The following LRP1B variants were observed in gnomAD, a reference collection of about 807,000 sequenced individuals.
The protein encoded by LRP1B is LDL receptor related protein 1B.
In LRP1B, 217 loss-of-function variants were observed where a neutral mutation model predicts 556.6. The observed-to-expected ratio is 0.39, with a 90% CI of 0.35 to 0.44. The LOEUF (loss-of-function observed/expected upper bound fraction) is 0.44, where lower values mean the gene tolerates loss of function less well. Ranked by LOEUF, LRP1B falls within the 20% of genes least tolerant of loss-of-function variation. The pLI is 1.00. For synonymous variants in LRP1B, 2,047 were observed against 1,865.8 expected (o/e 1.10, Z -2.50); for missense variants, 5,053 against 5,620.8 (o/e 0.90, Z 3.23).
At chr2:141,878,489 A>C (rs909894851) in intron 1 of LRP1B, among the ~76,000 whole-genome samples, 11 of 152,028 alleles carry the variant, frequency 7.2e-5, no homozygotes, top group Admixed American at 5.3e-4. Flanking sequence ...AATTAATCAA[A>C]GAGTTGATAG....
chr2:140,548,095 T>TAGAAAGTACTTATACATAGTATTC (rs1374101639), intron 43 of LRP1B, among the ~76,000 whole-genome samples: 20 of 152,154 alleles, frequency 1.3e-4, no homozygotes, highest in African/African-American at 3.9e-4. Flanking sequence ...ACAAAGTATT[T>TAGAAAGTACTTATACATAGTATTC]AGTAAGTACT....
chr2:141,815,141 A>G (rs16847244), intron 1 of LRP1B, among the ~76,000 whole-genome samples: 29,240 of 152,100 alleles, frequency 0.19, 3,278 homozygotes, highest in East Asian at 0.4. Flanking sequence ...CTATGTGCCC[A>G]AGAAAAACTT....
chr2:141,376,627 A>T (rs1405217386), intron 3 of LRP1B, among the ~76,000 whole-genome samples: 1 of 152,162 alleles, frequency 6.6e-6, no homozygotes, highest in Non-Finnish European at 1.5e-5. Context: ...ATGCATGAAA[A>T]TTTTTTAACA....
At chr2:140,924,394 T>C (rs1297793889) in intron 20 of LRP1B, among the ~76,000 whole-genome samples, 1 of 152,064 alleles carries the variant, frequency 6.6e-6, no homozygotes, top group East Asian at 1.9e-4. Flanking sequence ...TTCTATAATA[T>C]AAATGGTTTA....
At chr2:140,567,326 G>T (rs1409537757) in intron 43 of LRP1B, among the ~76,000 whole-genome samples, 1 of 152,144 alleles carries the variant, frequency 6.6e-6, no homozygotes, top group Admixed American at 6.5e-5. Flanking sequence ...CAATCCCAGG[G>T]TCTAGAGTCA....
At chr2:141,259,360 A>C (rs1163493505) in intron 3 of LRP1B, among the ~76,000 whole-genome samples, 1 of 152,186 alleles carries the variant, frequency 6.6e-6, no homozygotes, top group Non-Finnish European at 1.5e-5. Flanking sequence ...GTGTGCATCA[A>C]TCTTGTTTCC....
chr2:142,031,493 G>A (rs10165482), intron 1 of LRP1B, among the ~76,000 whole-genome samples: 5 of 60,254 alleles, frequency 8.3e-5, no homozygotes, highest in Admixed American at 2.7e-4. Context: ...CCCCTCCCCC[G>A]ACCCCACCAC....
intron 20 of LRP1B, among the ~76,000 whole-genome samples, chr2:140,928,597 C>T (rs1694956057): frequency 6.6e-6 from 1 of 152,072 alleles, no homozygotes; most frequent in Non-Finnish European, 1.5e-5. Flanking sequence ...AGCATAGGGC[C>T]CCATCTTATT....
chr2:141,507,745 A>T (rs1413135432), intron 2 of LRP1B, among the ~76,000 whole-genome samples: 1 of 152,152 alleles, frequency 6.6e-6, no homozygotes, highest in Admixed American at 6.6e-5. Flanking sequence ...TGTAACATTC[A>T]GTGCCCTTAG....
In LRP1B at chr2:142,109,531, T is replaced by G. The variant is rs182984180; in HGVS notation, c.82+21117A>C. 8.5e-4 allele frequency among the ~76,000 whole-genome samples: 129 copies of G among 152,324 alleles called. 1 individual carries two copies. The highest frequency in any genetic ancestry group is 8.3e-3 in the Admixed American group (127 of 15,274). On this transcript the variant is annotated intron_variant, in intron 1 of 90. Coordinates refer to ENST00000389484, the MANE Select transcript of LRP1B (RefSeq NM_018557.3). The stretch of plus-strand genomic sequence containing the variant: ...AATAACATAACTTGGGTACTTCTGA[T>G]AGCAGTTCTGTGTTGTTACTGTAAG...
intron 2 of LRP1B, among the ~76,000 whole-genome samples, chr2:141,657,096 T>C (rs1042507196): frequency 1.3e-5 from 2 of 152,100 alleles, no homozygotes; most frequent in Non-Finnish European, 2.9e-5. Flanking sequence ...TTTTTTTAGT[T>C]CTACTGATTT....
At chr2:140,363,664 GA>G (rs1300487429) in intron 72 of LRP1B, among the ~76,000 whole-genome samples, 11 of 150,656 alleles carry the variant, frequency 7.3e-5, no homozygotes, top group East Asian at 2.0e-4. Flanking sequence ...TGTATCTATA[GA>G]AAAAAACTCT....
chr2:141,969,000 G>A (rs1701644630), intron 1 of LRP1B, among the ~76,000 whole-genome samples: 1 of 150,454 alleles, frequency 6.6e-6, no homozygotes, highest in South Asian at 2.1e-4. Context: ...GCAGCTATTT[G>A]GGCTACATAC....
At chr2:140,572,547 C>T (rs1681362183) in intron 43 of LRP1B, among the ~76,000 whole-genome samples, 1 of 151,166 alleles carries the variant, frequency 6.6e-6, no homozygotes, top group Non-Finnish European at 1.5e-5. Flanking sequence ...CATAAAACAG[C>T]CATTATGAAA....
chr2:140,232,999 CCATA>C lies in LRP1B; in HGVS notation c.*183_*186del, dbSNP rs1422280259. The C allele has an allele frequency of 2.4e-6, 1 of 416,784 alleles. No homozygotes were observed. Among genetic ancestry groups the C allele is most frequent in the Non-Finnish European group, 4.2e-6 (1 of 235,920 alleles). 25.8% of individuals were successfully genotyped at this position (416,784 alleles called of 1,614,324 possible). A position where few individuals can be genotyped will look rare whatever the true frequency, so the allele number is the denominator to read the frequency against. Reference sequence around the variant, plus strand: ...AGTGCAGTTCTTTTTCATAAAAATACCATACAAATGGTCAATCAATAGTCATCAG... The same window carrying C: ...AGTGCAGTTCTTTTTCATAAAAATACCAAATGGTCAATCAATAGTCATCAG... On this transcript the variant is annotated 3_prime_UTR_variant, in exon 91 of 91. Coordinates refer to ENST00000389484, the MANE Select transcript of LRP1B (RefSeq NM_018557.3).
At chr2:141,155,938 C>G (rs896319326) in intron 7 of LRP1B, among the ~76,000 whole-genome samples, 5 of 152,198 alleles carry the variant, frequency 3.3e-5, no homozygotes, top group African/African-American at 1.2e-4. Context: ...AAGATGATGT[C>G]AGGATAATGT....
chr2:141,325,550 C>T (rs1172162850), intron 3 of LRP1B, among the ~76,000 whole-genome samples: 2 of 152,108 alleles, frequency 1.3e-5, no homozygotes, highest in African/African-American at 4.8e-5. Flanking sequence ...TCCTCTCACC[C>T]ATATTTTTAG....
At chr2:140,766,779 G>A (rs555676593) in intron 35 of LRP1B, among the ~76,000 whole-genome samples, 1 of 143,572 alleles carries the variant, frequency 7.0e-6, no homozygotes, top group Non-Finnish European at 1.5e-5. Context: ...CCAAATCCTA[G>A]CTAATTAGAA....
At chr2:140,649,026 G>A (rs1341670422) in intron 41 of LRP1B, among the ~76,000 whole-genome samples, 2 of 152,008 alleles carry the variant, frequency 1.3e-5, no homozygotes, top group Admixed American at 6.6e-5. Flanking sequence ...AACTGATCAG[G>A]TTATATCTCT....
Sources: allele counts gnomAD v4.1 joint callset (sites outside exome capture counted in the v4.1 genomes callset), GRCh38; gene constraint gnomAD v4.1.1; transcripts MANE v1.5; gene names NCBI Gene and HGNC (gene_info 2026-07-23, HGNC 2026-07-21).